CLSTN2: variants seen among roughly 807,000 people sequenced by gnomAD.
CLSTN2 encodes calsyntenin-2.
In CLSTN2, 48 loss-of-function variants were observed where a neutral mutation model predicts 101.2. The observed-to-expected ratio is 0.47, with a 90% CI of 0.38 to 0.60. The LOEUF is 0.60. Ranked by LOEUF, CLSTN2 falls within the 20% of genes least tolerant of loss-of-function variation. The pLI is 0.00. For missense variants in CLSTN2, 1,160 were observed against 1,238.2 expected, an observed-to-expected ratio of 0.94 and a Z score of 0.95; for synonymous variants, 481 against 463.6, an observed-to-expected ratio of 1.04 and a Z score of -0.48.
intron 2 of CLSTN2, among the ~76,000 whole-genome samples, chr3:140,273,800 A>G (rs1317804694): frequency 1.3e-5 from 2 of 152,156 alleles, no homozygotes; most frequent in Admixed American, 6.5e-5. Context: ...AATCCTAATA[A>G]TTTAGTCATA....
At chr3:140,244,263 G>T (rs915986178) in intron 2 of CLSTN2, among the ~76,000 whole-genome samples, 1 of 152,182 alleles carries the variant, frequency 6.6e-6, no homozygotes, top group African/African-American at 2.4e-5. Context: ...TGCAGAGAGG[G>T]GTTACCTGAT....
chr3:140,083,606 A>G (rs1334430505), intron 1 of CLSTN2, among the ~76,000 whole-genome samples: 2 of 152,224 alleles, frequency 1.3e-5, no homozygotes, highest in African/African-American at 4.8e-5. Context: ...CTATTACCCC[A>G]GAATCCCACA....
chr3:140,222,591 T>C (rs972482784), intron 2 of CLSTN2, among the ~76,000 whole-genome samples: 5 of 152,166 alleles, frequency 3.3e-5, no homozygotes, highest in African/African-American at 1.2e-4. Context: ...CCTGTAAATA[T>C]ATATACCTAC....
At chr3:140,266,811 C>G (rs922447899) in intron 2 of CLSTN2, among the ~76,000 whole-genome samples, 2 of 152,152 alleles carry the variant, frequency 1.3e-5, no homozygotes, top group African/African-American at 2.4e-5. Context: ...ATTGGTTGTT[C>G]CACCTGGCCA....
chr3:140,283,364 C>T (rs1181488151), intron 2 of CLSTN2, among the ~76,000 whole-genome samples: 1 of 152,154 alleles, frequency 6.6e-6, no homozygotes, highest in East Asian at 1.9e-4. Context: ...TGTACACATG[C>T]CTGCACACAC....
At chr3:140,136,819 G>A (rs2009622570) in intron 1 of CLSTN2, among the ~76,000 whole-genome samples, 1 of 152,200 alleles carries the variant, frequency 6.6e-6, no homozygotes, top group South Asian at 2.1e-4. Flanking sequence ...TGGCTGTGAG[G>A]AGGGGGTGAT....
intron 9 of CLSTN2, 79 bp downstream of exon 9, chr3:140,532,565 C>A: frequency 1.5e-6 from 2 of 1,307,242 alleles, no homozygotes; most frequent in South Asian, 1.9e-5. Flanking sequence ...AAAGGAAAAG[C>A]AAGTGGTGTG....
chr3:140,065,614 C>T (rs187127285), intron 1 of CLSTN2, among the ~76,000 whole-genome samples: 129 of 152,252 alleles, frequency 8.5e-4, no homozygotes, highest in African/African-American at 2.9e-3. Context: ...AAAGCAAATT[C>T]GCCTTTCTCT....
At chr3:140,555,321 A>G (rs1272199052) in intron 10 of CLSTN2, among the ~76,000 whole-genome samples, 1 of 152,228 alleles carries the variant, frequency 6.6e-6, no homozygotes, top group Non-Finnish European at 1.5e-5. Flanking sequence ...GAAGGGTACC[A>G]TAAGTCATAC....
At chr3:140,039,314 C>T (rs1241327985) in intron 1 of CLSTN2, among the ~76,000 whole-genome samples, 1 of 151,272 alleles carries the variant, frequency 6.6e-6, no homozygotes, top group East Asian at 1.9e-4. Context: ...AGGCTTTTAG[C>T]GTTACTTTTA....
At chr3:140,106,231 G>T (rs1431252330) in intron 1 of CLSTN2, among the ~76,000 whole-genome samples, 1 of 152,160 alleles carries the variant, frequency 6.6e-6, no homozygotes, top group African/African-American at 2.4e-5. Flanking sequence ...CTGGAGAGAA[G>T]CCTCCTCTTA....
intron 2 of CLSTN2, among the ~76,000 whole-genome samples, chr3:140,241,806 TATAC>T (rs1176593157): frequency 6.8e-6 from 1 of 146,558 alleles, no homozygotes; most frequent in South Asian, 2.2e-4. Context: ...TATATATATA[TATAC>T]ACATATATAT....
At chr3:140,238,458 G>A (rs1355410780) in intron 2 of CLSTN2, among the ~76,000 whole-genome samples, 1 of 152,028 alleles carries the variant, frequency 6.6e-6, no homozygotes, top group Non-Finnish European at 1.5e-5. Flanking sequence ...AACCATTCTT[G>A]ATTTATTTTA....
chr3:140,528,670 T>G (rs1935193853), intron 8 of CLSTN2, among the ~76,000 whole-genome samples: 1 of 150,444 alleles, frequency 6.6e-6, no homozygotes, highest in South Asian at 2.1e-4. Flanking sequence ...GAATAAGAGG[T>G]TTCTGCTTCA....
chr3:140,026,854 G>C (rs568624171), intron 1 of CLSTN2, among the ~76,000 whole-genome samples: 44 of 152,334 alleles, frequency 2.9e-4, no homozygotes, highest in African/African-American at 9.4e-4. Context: ...TGACATTGCT[G>C]TTCCTGGGGT....
chr3:140,546,472 T>G, intron 9 of CLSTN2, 43 bp from the exon 10 acceptor site: 1 of 1,598,502 alleles, frequency 6.3e-7, no homozygotes. Flanking sequence ...TGCTGTTTCC[T>G]ACCCAGTCTT....
At chr3:140,238,857 A>T (rs933825115) in intron 2 of CLSTN2, among the ~76,000 whole-genome samples, 8 of 152,212 alleles carry the variant, frequency 5.3e-5, no homozygotes, top group African/African-American at 1.7e-4. Flanking sequence ...GAAATATGTG[A>T]TGCATTGAAA....
At chr3:140,221,136 G>C (rs1263595181) in intron 2 of CLSTN2, among the ~76,000 whole-genome samples, 1 of 152,130 alleles carries the variant, frequency 6.6e-6, no homozygotes, top group Non-Finnish European at 1.5e-5. Context: ...TGGTAGAGAG[G>C]GCATTTTCCC....
intron 1 of CLSTN2, among the ~76,000 whole-genome samples, chr3:139,954,278 C>G (rs998823064): frequency 2.0e-5 from 3 of 152,180 alleles, no homozygotes; most frequent in African/African-American, 7.2e-5. Flanking sequence ...GACTTGCTGG[C>G]CAGCTGTGAG....
Sources: gnomAD v4.1 joint callset for allele counts (sites outside exome capture counted in the v4.1 genomes callset) on GRCh38, gnomAD v4.1.1 for gene constraint, MANE v1.5 for transcripts, NCBI Gene and HGNC (gene_info 2026-07-23, HGNC 2026-07-21) for gene names.